Variants in TRABD2B observed in about 807,000 individuals in gnomAD.
TRABD2B encodes metalloprotease TIKI2.
TRABD2B carries 14 observed loss-of-function variants against 40.1 expected under a neutral mutation model. That is an observed-to-expected ratio of 0.35 (90% confidence interval 0.23 to 0.55). The LOEUF is 0.55. Ranked by LOEUF, TRABD2B falls within the 20% of genes least tolerant of loss-of-function variation. TRABD2B has a pLI of 0.90. For missense variants in TRABD2B, 541 were observed against 648.6 expected (o/e 0.83, Z 1.80); for synonymous variants, 263 against 277.0 (o/e 0.95, Z 0.50).
intron 2 of TRABD2B, among the ~76,000 whole-genome samples, chr1:47,855,554 A>T (rs1031139228): frequency 3.9e-5 from 6 of 152,254 alleles, no homozygotes; most frequent in African/African-American, 1.4e-4. Context: ...TGACACGCAT[A>T]GGTCATCCAT....
chr1:47,807,158 T>C (rs1258597803), intron 2 of TRABD2B, among the ~76,000 whole-genome samples: 1 of 152,212 alleles, frequency 6.6e-6, no homozygotes, highest in African/African-American at 2.4e-5. Context: ...AATGGCTTCA[T>C]TAAACTGGAA....
intron 4 of TRABD2B, among the ~76,000 whole-genome samples, chr1:47,793,643 C>T (rs1310316049): frequency 1.3e-5 from 2 of 152,204 alleles, no homozygotes; most frequent in Non-Finnish European, 2.9e-5. Flanking sequence ...GTTCTGGCAA[C>T]CCAAATTGCA....
At chr1:47,995,921 C>A (rs1308384077) in intron 1 of TRABD2B, among the ~76,000 whole-genome samples, 1 of 152,182 alleles carries the variant, frequency 6.6e-6, no homozygotes, top group Non-Finnish European at 1.5e-5. Context: ...AGCAGCCAGA[C>A]CCTATGGTCT....
chr1:47,828,566 A>C (rs1293844229), intron 2 of TRABD2B, among the ~76,000 whole-genome samples: 1 of 152,200 alleles, frequency 6.6e-6, no homozygotes, highest in Non-Finnish European at 1.5e-5. Flanking sequence ...TCAGCAAATG[A>C]TTCCCTTTTG....
intron 2 of TRABD2B, among the ~76,000 whole-genome samples, chr1:47,816,634 T>G (rs1427054042): frequency 6.6e-6 from 1 of 152,176 alleles, no homozygotes; most frequent in East Asian, 1.9e-4. Flanking sequence ...TCCTGCACAC[T>G]CCTTCCCTGA....
At chr1:47,825,029 G>A (rs1645156999) in intron 2 of TRABD2B, among the ~76,000 whole-genome samples, 1 of 152,206 alleles carries the variant, frequency 6.6e-6, no homozygotes, top group Non-Finnish European at 1.5e-5. Flanking sequence ...TACCCACGGG[G>A]GAATCTCAGG....
intron 2 of TRABD2B, among the ~76,000 whole-genome samples, chr1:47,862,189 C>T (rs1271436572): frequency 6.6e-6 from 1 of 152,116 alleles, no homozygotes; most frequent in Non-Finnish European, 1.5e-5. Flanking sequence ...AGGAACAAAG[C>T]AAGGATGTCC....
At chr1:47,990,336 A>T (rs1645982442) in intron 2 of TRABD2B, among the ~76,000 whole-genome samples, 1 of 152,202 alleles carries the variant, frequency 6.6e-6, no homozygotes, top group Non-Finnish European at 1.5e-5. Context: ...AAGTAGTGGC[A>T]GCCGGTACCA....
At chr1:47,879,080 G>C (rs1003108132) in intron 2 of TRABD2B, among the ~76,000 whole-genome samples, 1 of 150,600 alleles carries the variant, frequency 6.6e-6, no homozygotes, top group African/African-American at 2.5e-5. Context: ...ACTCTAGCCT[G>C]GGTGATGAAG....
In TRABD2B at chr1:47,996,570, G is replaced by C. The variant is rs1570438587; in HGVS notation, c.102+118C>G. Reference sequence around the variant, plus strand: ...GGAAGGGCGCCCGAGGCTGCGCCCGGGGGGTGGAGGTGGAGCGGGCGGGCT... The same window carrying C: ...GGAAGGGCGCCCGAGGCTGCGCCCGCGGGGTGGAGGTGGAGCGGGCGGGCT... On this transcript the variant is annotated intron_variant, in intron 1 of 6. Coordinates refer to ENST00000606738, the MANE Select transcript of TRABD2B (RefSeq NM_001194986.2). The surrounding 1 kb of genome is among the most constrained non-coding windows in gnomAD (Gnocchi z 4.6). The C allele has an allele frequency of 8.9e-7, 1 of 1,124,484 alleles. No homozygotes were observed. The highest frequency in any genetic ancestry group is 1.1e-6 in the Non-Finnish European group (1 of 905,574). The allele number at this position is 1,124,484 out of a possible 1,614,324, so 69.7% of individuals were successfully genotyped here. A position where few individuals can be genotyped will look rare whatever the true frequency, so the allele number is the denominator to read the frequency against.
At chr1:47,808,351 A>G (rs1369859998) in intron 2 of TRABD2B, among the ~76,000 whole-genome samples, 1 of 152,238 alleles carries the variant, frequency 6.6e-6, no homozygotes, top group Non-Finnish European at 1.5e-5. Context: ...ACAGAGATAC[A>G]TACACACATA....
At chr1:47,828,591 C>T (rs755939068) in intron 2 of TRABD2B, among the ~76,000 whole-genome samples, 12 of 152,174 alleles carry the variant, frequency 7.9e-5, no homozygotes, top group Non-Finnish European at 1.6e-4. Flanking sequence ...CAGAGCATGC[C>T]GAGGCCAGAG....
chr1:47,910,932 C>T (rs1454924176), intron 2 of TRABD2B, among the ~76,000 whole-genome samples: 2 of 152,152 alleles, frequency 1.3e-5, no homozygotes, highest in African/African-American at 4.8e-5. Flanking sequence ...GCAGGACCGA[C>T]GGGTCTAATT....
chr1:47,866,426 C>T (rs1484166636), intron 2 of TRABD2B, among the ~76,000 whole-genome samples: 1 of 152,190 alleles, frequency 6.6e-6, no homozygotes, highest in East Asian at 1.9e-4. Context: ...GACCATTTCT[C>T]TACACCCTAC....
chr1:47,835,408 AT>A (rs2124465619), intron 2 of TRABD2B, among the ~76,000 whole-genome samples: 1 of 152,330 alleles, frequency 6.6e-6, no homozygotes, highest in East Asian at 1.9e-4. Context: ...ATTTAAAAAC[AT>A]TAATCTACAC....
intron 2 of TRABD2B, among the ~76,000 whole-genome samples, chr1:47,881,288 G>A (rs1644300448): frequency 6.6e-6 from 1 of 152,212 alleles, no homozygotes; most frequent in Non-Finnish European, 1.5e-5. Flanking sequence ...GTCTCTCTGT[G>A]TGCCCCTGTG....
intron 2 of TRABD2B, among the ~76,000 whole-genome samples, chr1:47,968,618 A>G (rs1645637216): frequency 6.6e-6 from 1 of 152,188 alleles, no homozygotes; most frequent in Non-Finnish European, 1.5e-5. Flanking sequence ...CTCACCATGT[A>G]TGAGCCCCCA....
At position 47,905,896 on chromosome 1, in the gene TRABD2B, T is replaced by C. The variant is rs1436622313; in HGVS notation, c.666+88138A>G. On this transcript the variant is annotated intron_variant, in intron 2 of 6. Transcript: ENST00000606738. ...TTCTGGGGAAGGGCTACCTGATGGTTGTTGCTTCCCATTTGGAATCTCACC... is the reference window on the plus strand; with the variant it reads ...TTCTGGGGAAGGGCTACCTGATGGTCGTTGCTTCCCATTTGGAATCTCACC... Among the ~76,000 whole-genome samples the C allele has an allele frequency of 3.9e-5, 6 of 152,190 alleles. No individual in the cohort carries two copies. The South Asian group carries it at 8.3e-4, about 21-fold the overall frequency.
intron 2 of TRABD2B, among the ~76,000 whole-genome samples, chr1:47,835,450 A>AG (rs1645306008): frequency 6.6e-6 from 1 of 151,392 alleles, no homozygotes; most frequent in Non-Finnish European, 1.5e-5. Context: ...TCCAAGTAGG[A>AG]TAAATTCAAA....
Sources: allele counts gnomAD v4.1 joint callset (sites outside exome capture counted in the v4.1 genomes callset), GRCh38; gene constraint gnomAD v4.1.1; non-coding constraint Gnocchi (gnomAD v3.1); transcripts MANE v1.5; gene names NCBI Gene and HGNC (gene_info 2026-07-23, HGNC 2026-07-21).